Variants in SDK1 observed in about 807,000 individuals in gnomAD.
SDK1 encodes protein sidekick-1.
Under a neutral mutation model 245.5 loss-of-function variants are expected in SDK1, and 157 were observed. The observed-to-expected ratio is 0.64, with a 90% CI of 0.56 to 0.73. The LOEUF is 0.73. Among genes scored for constraint, SDK1 ranks in the 30% least tolerant of loss-of-function variants. The pLI is 0.00. For missense variants in SDK1, 3,583 were observed against 3,002.3 expected (o/e 1.19, Z -4.52); for synonymous variants, 1,647 against 1,278.5 (o/e 1.29, Z -6.15).
At chr7:3,459,283 A>G (rs1481429961) in intron 1 of SDK1, among the ~76,000 whole-genome samples, 1 of 152,194 alleles carries the variant, frequency 6.6e-6, no homozygotes, top group African/African-American at 2.4e-5. Context: ...TATGTAAGGT[A>G]TGCTTTCAGT....
chr7:3,591,899 C>G (rs1366162913), intron 1 of SDK1, among the ~76,000 whole-genome samples: 3 of 152,168 alleles, frequency 2.0e-5, no homozygotes. Flanking sequence ...GGGGTGGTGT[C>G]TGAAGTTTGA....
chr7:4,160,380 A>G (rs1000767285), intron 31 of SDK1, among the ~76,000 whole-genome samples: 3 of 152,154 alleles, frequency 2.0e-5, no homozygotes, highest in African/African-American at 7.2e-5. Flanking sequence ...TTTTGAAAAA[A>G]ATATTGAAGG....
intron 43 of SDK1, among the ~76,000 whole-genome samples, chr7:4,242,283 G>T (rs1310901303): frequency 6.6e-6 from 1 of 152,172 alleles, no homozygotes; most frequent in Non-Finnish European, 1.5e-5. Flanking sequence ...GCCCGACCAG[G>T]TGTCCTCGCA....
chr7:3,461,360 A>G (rs990920779), intron 1 of SDK1, among the ~76,000 whole-genome samples: 1 of 152,210 alleles, frequency 6.6e-6, no homozygotes, highest in African/African-American at 2.4e-5. Flanking sequence ...TATTACTTCA[A>G]ACCGTAACTC....
At chr7:3,874,615 C>A (rs1026023542) in intron 5 of SDK1, among the ~76,000 whole-genome samples, 3 of 152,114 alleles carry the variant, frequency 2.0e-5, no homozygotes, top group Admixed American at 2.0e-4. Context: ...GTTCCCCTGC[C>A]CTATCTGCAG....
intron 35 of SDK1, among the ~76,000 whole-genome samples, chr7:4,198,130 C>T (rs866637207): frequency 6.6e-6 from 1 of 152,200 alleles, no homozygotes; most frequent in African/African-American, 2.4e-5. Context: ...GCCTCACTTG[C>T]CCCGTAGGGC....
At chr7:3,715,701 C>G (rs1464430663) in intron 4 of SDK1, among the ~76,000 whole-genome samples, 1 of 152,092 alleles carries the variant, frequency 6.6e-6, no homozygotes, top group Admixed American at 6.5e-5. Context: ...TTAAATAGGA[C>G]AAGGAGTCTT....
chr7:3,390,264 G>A (rs1457916780), intron 1 of SDK1, among the ~76,000 whole-genome samples: 1 of 152,168 alleles, frequency 6.6e-6, no homozygotes, highest in Non-Finnish European at 1.5e-5. Flanking sequence ...ACTTTGAATA[G>A]CAGGGTTGTA....
At chr7:3,555,799 G>A (rs147704921) in intron 1 of SDK1, among the ~76,000 whole-genome samples, 2 of 152,156 alleles carry the variant, frequency 1.3e-5, no homozygotes, top group Middle Eastern at 3.4e-3. Flanking sequence ...ACATACAAAT[G>A]GCAAACAGGT....
intron 2 of SDK1, among the ~76,000 whole-genome samples, chr7:3,624,974 G>C (rs927555570): frequency 6.6e-5 from 10 of 152,078 alleles, no homozygotes; most frequent in African/African-American, 2.2e-4. Flanking sequence ...GGGAGGCGGA[G>C]GTTGCAGTAA....
intron 1 of SDK1, among the ~76,000 whole-genome samples, chr7:3,502,844 C>A (rs995509093): frequency 1.3e-5 from 2 of 152,052 alleles, no homozygotes; most frequent in African/African-American, 4.8e-5. Flanking sequence ...TTCTGAATGA[C>A]CTTGAGCAAA....
In SDK1 at chr7:4,197,848, C is replaced by T. The variant is rs560197863; in HGVS notation, c.5099-8031C>T. Among the ~76,000 whole-genome samples the T allele has an allele frequency of 1.5e-4, 23 of 152,334 alleles. No homozygotes were observed. The East Asian group carries it at 4.1e-3, about 27-fold the overall frequency. On this transcript the variant is annotated intron_variant, in intron 35 of 44. Coordinates refer to ENST00000404826, the MANE Select transcript of SDK1 (RefSeq NM_152744.4). ...CAGGGAGACCCCCACCCACTGCTTGCGGTGGTCTCCTTTGTCATAGACGAC... is the reference window on the plus strand; with the variant it reads ...CAGGGAGACCCCCACCCACTGCTTGTGGTGGTCTCCTTTGTCATAGACGAC...
chr7:3,919,438 G>A (rs868321791), intron 5 of SDK1, among the ~76,000 whole-genome samples: 2 of 152,218 alleles, frequency 1.3e-5, no homozygotes, highest in Admixed American at 6.5e-5. Context: ...CCCTACACCC[G>A]TCAAGTGACG....
In SDK1 at chr7:3,697,576, C is replaced by A. The variant is rs73672150; in HGVS notation, c.713+55471C>A. ...TCATTTTTGTCTCACTGTCTTCTTA[C>A]TGCTTGCCCCACATGATTCTTTGAC... On this transcript the variant is annotated intron_variant, in intron 4 of 44. Coordinates refer to ENST00000404826, the MANE Select transcript of SDK1 (RefSeq NM_152744.4). Among the ~76,000 whole-genome samples the A allele has an allele frequency of 7.9e-3, 1,202 of 152,278 alleles. 16 individuals are homozygous for A. Among genetic ancestry groups the A allele is most frequent in the African/African-American group, 0.028 (1,159 of 41,558 alleles).
intron 1 of SDK1, among the ~76,000 whole-genome samples, chr7:3,418,707 C>G (rs897042304): frequency 6.6e-6 from 1 of 152,184 alleles, no homozygotes; most frequent in African/African-American, 2.4e-5. Context: ...TGGGCAGATA[C>G]ATCGGCGATA....
At chr7:4,219,869 C>G (rs575146197) in intron 38 of SDK1, among the ~76,000 whole-genome samples, 128 of 151,688 alleles carry the variant, frequency 8.4e-4, no homozygotes, top group Non-Finnish European at 1.3e-3. Flanking sequence ...CAGCCTCCCC[C>G]TTTTGTGTTG....
Position 3,599,796 on chromosome 7 carries a change from A to G in SDK1, c.299-19284A>G, listed in dbSNP as rs532922407. Among the ~76,000 whole-genome samples, 6 of 152,226 alleles carry G rather than the reference A, an allele frequency of 3.9e-5. No individual in the cohort carries two copies. The South Asian group carries it at 1.2e-3, about 32-fold the overall frequency. On this transcript the variant is annotated intron_variant, in intron 1 of 44. Coordinates refer to ENST00000404826, the MANE Select transcript of SDK1 (RefSeq NM_152744.4). ...TGAGTGTTTGCCAGCTCTCTATTTT[A>G]TGTCTTTGATCCCTCTATGAATACC...
chr7:4,164,011 G>A (rs1171681303), intron 32 of SDK1, among the ~76,000 whole-genome samples: 10 of 152,198 alleles, frequency 6.6e-5, no homozygotes, highest in African/African-American at 2.4e-4. Context: ...GCGGGGCTGC[G>A]TCTCGGCTGC....
intron 1 of SDK1, among the ~76,000 whole-genome samples, chr7:3,548,474 G>T (rs1261626598): frequency 6.6e-6 from 1 of 152,130 alleles, no homozygotes; most frequent in African/African-American, 2.4e-5. Context: ...TGAGAGGAGA[G>T]AAACATTTTC....
Sources: allele counts gnomAD v4.1 joint callset (sites outside exome capture counted in the v4.1 genomes callset), GRCh38; gene constraint gnomAD v4.1.1; transcripts MANE v1.5; gene names NCBI Gene and HGNC (gene_info 2026-07-23, HGNC 2026-07-21).